Variants in ITGA8 observed in about 807,000 individuals in gnomAD.
ITGA8 encodes the protein integrin alpha-8.
A neutral mutation model predicts 142.3 loss-of-function variants in ITGA8; 91 were observed. The observed-to-expected ratio is 0.64, with a 90% CI of 0.54 to 0.76. The LOEUF is 0.76. ITGA8 is among the 30% of genes least tolerant of loss of function. The pLI is 0.00. For synonymous variants in ITGA8, 505 were observed against 485.2 expected (o/e 1.04, Z -0.54); for missense variants, 1,406 against 1,327.7 (o/e 1.06, Z -0.92).
rs748585746 is a variant in ITGA8 at position 15,644,025 on chromosome 10, C to T, written c.1399+5G>A. ...TCTCACGTGGGAAAAGAAAGAAAAC[C>T]TTACCTGGGTAATCATTCTTGTCTA... On this transcript the variant is annotated splice_donor_5th_base_variant and intron_variant, in intron 13 of 29. Coordinates refer to ENST00000378076, the MANE Select transcript of ITGA8 (RefSeq NM_003638.3). 5 of 1,608,606 alleles carry T rather than the reference C, an allele frequency of 3.1e-6. No individual in the cohort carries two copies. The highest frequency in any genetic ancestry group is 4.3e-6 in the Non-Finnish European group (5 of 1,176,334).
chr10:15,706,759 A>G (rs1380117704), intron 2 of ITGA8, among the ~76,000 whole-genome samples: 1 of 152,090 alleles, frequency 6.6e-6, no homozygotes, highest in Non-Finnish European at 1.5e-5. Context: ...CTTTTAAAAA[A>G]CATAATTCAA....
At chr10:15,542,603 C>T (rs920951800) in intron 27 of ITGA8, among the ~76,000 whole-genome samples, 12 of 152,048 alleles carry the variant, frequency 7.9e-5, no homozygotes, top group African/African-American at 2.2e-4. Context: ...TTTAGCTATC[C>T]GTAATACAGT....
At chr10:15,608,735 T>C (rs948756208) in intron 15 of ITGA8, among the ~76,000 whole-genome samples, 2 of 152,036 alleles carry the variant, frequency 1.3e-5, no homozygotes, top group Non-Finnish European at 2.9e-5. Flanking sequence ...CTGAGCAAGA[T>C]GGCAAAGTTG....
Position 15,654,111 on chromosome 10 carries a change from C to T in ITGA8, c.1001+1243G>A, listed in dbSNP as rs538740401. 2.0e-5 allele frequency among the ~76,000 whole-genome samples: 3 copies of T among 152,342 alleles called. No individual in the cohort carries two copies. In the East Asian group the frequency reaches 5.8e-4, roughly 29 times the overall value. ...TCAGCCTCCCAAAGTGCTGGGATTA[C>T]AGGCGTGAGCTACCGCACCCGGCCC... is the stretch of plus-strand genomic sequence containing the variant. On this transcript the variant is annotated intron_variant, in intron 11 of 29. Coordinates refer to ENST00000378076, the MANE Select transcript of ITGA8 (RefSeq NM_003638.3).
intron 20 of ITGA8, among the ~76,000 whole-genome samples, chr10:15,600,392 T>G (rs1162998479): frequency 1.3e-5 from 2 of 152,212 alleles, no homozygotes; most frequent in African/African-American, 4.8e-5. Context: ...CAATTATTAT[T>G]TGAAGGATGA....
chr10:15,540,310 C>G (rs1205747013), intron 27 of ITGA8, among the ~76,000 whole-genome samples: 1 of 152,128 alleles, frequency 6.6e-6, no homozygotes, highest in Non-Finnish European at 1.5e-5. Context: ...CCCTTCCCAG[C>G]CTCTGGTAAT....
At chr10:15,524,745 A>C (rs1167058238) in intron 28 of ITGA8, among the ~76,000 whole-genome samples, 1 of 152,210 alleles carries the variant, frequency 6.6e-6, no homozygotes, top group South Asian at 2.1e-4. Flanking sequence ...AGTTTCTTTA[A>C]ATATGTGTTA....
At chr10:15,592,044 C>T (rs911539704) in intron 22 of ITGA8, among the ~76,000 whole-genome samples, 181 bp downstream of exon 22, 1 of 152,014 alleles carries the variant, frequency 6.6e-6, no homozygotes, top group Non-Finnish European at 1.5e-5. Context: ...TTTTCAAAAC[C>T]CCTAAAATGT....
At chr10:15,584,154 G>A (rs1341198433) in intron 23 of ITGA8, among the ~76,000 whole-genome samples, 1 of 152,044 alleles carries the variant, frequency 6.6e-6, no homozygotes, top group Non-Finnish European at 1.5e-5. Flanking sequence ...AAAATTAGCT[G>A]GGCATGGTAG....
At chr10:15,560,866 G>T (rs1833961931) in intron 25 of ITGA8, among the ~76,000 whole-genome samples, 1 of 151,978 alleles carries the variant, frequency 6.6e-6, no homozygotes, top group Non-Finnish European at 1.5e-5. Flanking sequence ...TTCTTTTTAG[G>T]TATGATAATA....
intron 23 of ITGA8, among the ~76,000 whole-genome samples, chr10:15,578,933 T>A (rs1305005388): frequency 6.6e-6 from 1 of 152,090 alleles, no homozygotes; most frequent in Non-Finnish European, 1.5e-5. Flanking sequence ...TTGAAAGAAA[T>A]GGAACAATTC....
At chr10:15,523,239 T>G (rs1311218930) in intron 28 of ITGA8, among the ~76,000 whole-genome samples, 1 of 152,240 alleles carries the variant, frequency 6.6e-6, no homozygotes. Context: ...CAGGTTTTGA[T>G]GTATCATCTA....
intron 13 of ITGA8, among the ~76,000 whole-genome samples, chr10:15,617,224 A>G (rs1454881013): frequency 6.6e-6 from 1 of 152,178 alleles, no homozygotes; most frequent in Non-Finnish European, 1.5e-5. Flanking sequence ...TTATTAGCAC[A>G]ATTTTGCAAA....
chr10:15,562,646 G>A (rs956961779), intron 25 of ITGA8, among the ~76,000 whole-genome samples: 3 of 152,182 alleles, frequency 2.0e-5, no homozygotes, highest in African/African-American at 7.2e-5. Flanking sequence ...TGAATTGGAG[G>A]AGAAAGGAAA....
intron 24 of ITGA8, among the ~76,000 whole-genome samples, chr10:15,574,125 T>C (rs1195862514): frequency 6.6e-6 from 1 of 152,106 alleles, no homozygotes; most frequent in African/African-American, 2.4e-5. Flanking sequence ...CCCAGCCATA[T>C]ATGTTGGCTT....
intron 8 of ITGA8, among the ~76,000 whole-genome samples, chr10:15,664,126 A>C (rs1834341087): frequency 1.3e-5 from 2 of 152,168 alleles, no homozygotes; most frequent in Non-Finnish European, 2.9e-5. Flanking sequence ...GGTAGACAAT[A>C]CTATTAGCTC....
At chr10:15,643,989 A>G (rs760951198) in intron 13 of ITGA8, 41 bp downstream of exon 13, 1 of 1,543,492 alleles carries the variant, frequency 6.5e-7, no homozygotes, top group African/African-American at 1.4e-5. Flanking sequence ...ACTCTATTTC[A>G]GGACGTAGAC....
intron 4 of ITGA8, among the ~76,000 whole-genome samples, chr10:15,680,684 G>T (rs1834721178): frequency 6.6e-6 from 1 of 151,516 alleles, no homozygotes; most frequent in Admixed American, 6.6e-5. Context: ...TTTTATGATT[G>T]TAAATTATTC....
At chr10:15,644,449 T>C (rs1330955864) in intron 12 of ITGA8, among the ~76,000 whole-genome samples, 12 of 2,054 alleles carry the variant, frequency 5.8e-3, no homozygotes, top group South Asian at 0.071. Context: ...TATATATATA[T>C]ATATATATAT....
Sources: allele counts gnomAD v4.1 joint callset (sites outside exome capture counted in the v4.1 genomes callset), GRCh38; gene constraint gnomAD v4.1.1; transcripts MANE v1.5; gene names NCBI Gene and HGNC (gene_info 2026-07-23, HGNC 2026-07-21).